Variants in ADARB2 observed in about 807,000 individuals in gnomAD.
ADARB2 encodes adenosine deaminase RNA specific B2 (inactive).
In ADARB2, 25 loss-of-function variants were observed where a neutral mutation model predicts 62.2. That is an observed-to-expected ratio of 0.40 (90% CI 0.29 to 0.56). ADARB2 has a LOEUF of 0.56. Among genes scored for constraint, ADARB2 ranks in the 20% least tolerant of loss-of-function variants. ADARB2 has a pLI of 0.43. For missense variants in ADARB2, 1,071 were observed against 1,077.4 expected (o/e 0.99, Z 0.08); for synonymous variants, 572 against 500.8 (o/e 1.14, Z -1.90).
chr10:1,458,527 G>C (rs1432953344), intron 1 of ADARB2, among the ~76,000 whole-genome samples: 1 of 152,176 alleles, frequency 6.6e-6, no homozygotes, highest in African/African-American at 2.4e-5. Context: ...GCCCCTCTTA[G>C]CCCTATCCTG....
chr10:1,708,132 T>G (rs1834912596), intron 1 of ADARB2, among the ~76,000 whole-genome samples: 1 of 152,228 alleles, frequency 6.6e-6, no homozygotes. Context: ...CCGTGCGGGC[T>G]GCCTTCTGTC....
chr10:1,349,566 C>T (rs1832114478), intron 3 of ADARB2, among the ~76,000 whole-genome samples: 1 of 152,184 alleles, frequency 6.6e-6, no homozygotes, highest in Non-Finnish European at 1.5e-5. Flanking sequence ...AATTTTAAAT[C>T]CAGTAAGTGG....
At chr10:1,364,140 G>A (rs988871664) in intron 2 of ADARB2, among the ~76,000 whole-genome samples, 2 of 152,238 alleles carry the variant, frequency 1.3e-5, no homozygotes, top group Non-Finnish European at 2.9e-5. Flanking sequence ...CCTGTGGCTA[G>A]GAGCTGTCGT....
At chr10:1,547,628 C>T (rs4002379) in intron 1 of ADARB2, among the ~76,000 whole-genome samples, 1 of 32,094 alleles carries the variant, frequency 3.1e-5, no homozygotes, top group Non-Finnish European at 6.5e-5. Context: ...GCTGCACTGG[C>T]GTATGCACTG....
At chr10:1,710,871 G>A (rs914846576) in intron 1 of ADARB2, among the ~76,000 whole-genome samples, 1 of 152,100 alleles carries the variant, frequency 6.6e-6, no homozygotes, top group Non-Finnish European at 1.5e-5. Context: ...TGAGGAGGAG[G>A]ACAGCTTTGA....
intron 1 of ADARB2, among the ~76,000 whole-genome samples, chr10:1,632,700 G>T (rs1351294891): frequency 6.6e-6 from 1 of 152,184 alleles, no homozygotes; most frequent in Non-Finnish European, 1.5e-5. Flanking sequence ...ACTCACTGTG[G>T]GACTGCATGA....
At chr10:1,526,460 A>T (rs879077086) in intron 1 of ADARB2, among the ~76,000 whole-genome samples, 2 of 151,928 alleles carry the variant, frequency 1.3e-5, no homozygotes, top group Admixed American at 6.6e-5. Flanking sequence ...TCAGGGGTGG[A>T]TCCCTCACGA....
chr10:1,244,249 C>A (rs575339343), intron 4 of ADARB2, among the ~76,000 whole-genome samples: 2 of 152,246 alleles, frequency 1.3e-5, no homozygotes, highest in African/African-American at 4.8e-5. Context: ...ACAAGGATGA[C>A]ATCGTGATGC....
At chr10:1,687,802 T>C (rs1206502340) in intron 1 of ADARB2, among the ~76,000 whole-genome samples, 2 of 152,066 alleles carry the variant, frequency 1.3e-5, no homozygotes. Context: ...AGTCACACCC[T>C]TGCTGGCCGG....
At chr10:1,296,239 C>T (rs1219222751) in intron 3 of ADARB2, among the ~76,000 whole-genome samples, 2 of 152,158 alleles carry the variant, frequency 1.3e-5, no homozygotes, top group African/African-American at 4.8e-5. Flanking sequence ...ATGTTCCCTC[C>T]ACAGAGGAGG....
intron 1 of ADARB2, among the ~76,000 whole-genome samples, chr10:1,578,818 T>C (rs1447023932): frequency 1.3e-5 from 2 of 152,016 alleles, no homozygotes; most frequent in Non-Finnish European, 1.5e-5. Context: ...CACACACGCA[T>C]ATACACACAC....
chr10:1,250,131 T>C (rs1372679216), intron 4 of ADARB2, among the ~76,000 whole-genome samples: 2 of 151,500 alleles, frequency 1.3e-5, no homozygotes, highest in African/African-American at 2.4e-5. Context: ...GAATCCTCTC[T>C]AAATTGATTC....
At chr10:1,652,666 C>T (rs1012490594) in intron 1 of ADARB2, among the ~76,000 whole-genome samples, 1 of 152,176 alleles carries the variant, frequency 6.6e-6, no homozygotes, top group Non-Finnish European at 1.5e-5. Context: ...TTTGTGTTGA[C>T]CTTTTCAGTC....
intron 4 of ADARB2, among the ~76,000 whole-genome samples, chr10:1,244,936 G>GA (rs1830969633): frequency 6.6e-6 from 1 of 152,258 alleles, no homozygotes; most frequent in South Asian, 2.1e-4. Context: ...AAGTGGCGAA[G>GA]CTTCAAAGGT....
chr10:1,468,322 G>A (rs964964376), intron 1 of ADARB2, among the ~76,000 whole-genome samples: 1 of 152,176 alleles, frequency 6.6e-6, no homozygotes, highest in South Asian at 2.1e-4. Flanking sequence ...TGGGAAAGCA[G>A]TCTCCACACT....
At chr10:1,291,542 T>G (rs1321680102) in intron 3 of ADARB2, 2 of 152,260 alleles carry the variant, frequency 1.3e-5, no homozygotes, top group Non-Finnish European at 2.9e-5. Flanking sequence ...CCCTGCACAA[T>G]CCTGCAATAT....
chr10:1,484,158 T>C (rs1831514458), intron 1 of ADARB2, among the ~76,000 whole-genome samples: 1 of 152,236 alleles, frequency 6.6e-6, no homozygotes, highest in Non-Finnish European at 1.5e-5. Flanking sequence ...CCTCTCGATA[T>C]TTCCCAGGAC....
chr10:1,480,280 T>C (rs1659748931), intron 1 of ADARB2, among the ~76,000 whole-genome samples: 1 of 152,242 alleles, frequency 6.6e-6, no homozygotes. Flanking sequence ...ATATCATATG[T>C]AGAAAAACTA....
chr10:1,389,924 C>T (rs911085479), intron 1 of ADARB2, among the ~76,000 whole-genome samples: 8 of 152,026 alleles, frequency 5.3e-5, no homozygotes, highest in Non-Finnish European at 8.8e-5. Context: ...ACCTTTCCTA[C>T]GAATTACCAC....
Sources: gnomAD v4.1 joint callset for allele counts (sites outside exome capture counted in the v4.1 genomes callset) on GRCh38, gnomAD v4.1.1 for gene constraint, MANE v1.5 for transcripts, NCBI Gene and HGNC (gene_info 2026-07-23, HGNC 2026-07-21) for gene names.